Variants in KCNN2 observed in about 807,000 individuals in gnomAD.
KCNN2 encodes the protein small conductance calcium-activated potassium channel protein 2.
A neutral mutation model predicts 55.5 loss-of-function variants in KCNN2; 24 were observed. The observed-to-expected ratio is 0.43, with a 90% CI of 0.31 to 0.61. The LOEUF is 0.61. Ranked by LOEUF, KCNN2 falls within the 20% of genes least tolerant of loss-of-function variation. The probability of loss-of-function intolerance (pLI) is 0.08; values close to 1 mark genes in which losing one functional copy is unlikely to be tolerated. For synonymous variants in KCNN2, 431 were observed against 336.1 expected (o/e 1.28, Z -3.09); for missense variants, 754 against 853.6 (o/e 0.88, Z 1.45).
At position 114,086,915 on chromosome 5, in the gene KCNN2, C is replaced by T. The variant is rs117447670; in HGVS notation, c.-271+30415C>T. 2.6e-3 allele frequency among the ~76,000 whole-genome samples: 395 copies of T among 152,228 alleles called. 13 individuals carry two copies. The East Asian group carries it at 0.059, about 23-fold the overall frequency. ...TTCCCACAAACAGTGTATAAGTGTT[C>T]CCTTTTCTGTGCAGCCTCACCAGTA... On this transcript the variant is annotated intron_variant, in intron 1 of 10. Transcript: ENST00000512097.
At chr5:114,477,134 A>C (rs892114841) in intron 5 of KCNN2, among the ~76,000 whole-genome samples, 1 of 107,384 alleles carries the variant, frequency 9.3e-6, no homozygotes, top group Non-Finnish European at 2.3e-5. Context: ...TCCCTGAAAC[A>C]TTATCTAGAA....
upstream of KCNN2, among the ~76,000 whole-genome samples, chr5:114,359,058 T>C (rs956653828): frequency 1.3e-5 from 2 of 152,230 alleles, no homozygotes; most frequent in African/African-American, 4.8e-5. Context: ...AATATACAGA[T>C]ATTTATTAGC....
chr5:114,372,934 A>G (rs1170881981), intron 2 of KCNN2, among the ~76,000 whole-genome samples: 1 of 152,166 alleles, frequency 6.6e-6, no homozygotes, highest in Non-Finnish European at 1.5e-5. Flanking sequence ...AACATTTTTT[A>G]TAACAAATAC....
chr5:114,069,808 C>G (rs541005116), intron 1 of KCNN2, among the ~76,000 whole-genome samples: 1 of 152,276 alleles, frequency 6.6e-6, no homozygotes, highest in African/African-American at 2.4e-5. Context: ...ACTGTCATCT[C>G]TTCCTTAGTT....
intron 1 of KCNN2, among the ~76,000 whole-genome samples, chr5:114,060,169 G>C (rs971102425): frequency 6.6e-6 from 1 of 152,198 alleles, no homozygotes; most frequent in Non-Finnish European, 1.5e-5. Flanking sequence ...CACTTAGCCT[G>C]CATGTGGGTT....
intron 4 of KCNN2, among the ~76,000 whole-genome samples, chr5:114,465,534 C>T (rs1024231886): frequency 5.3e-5 from 8 of 151,492 alleles, no homozygotes; most frequent in African/African-American, 9.7e-5. Flanking sequence ...ATCTCTTGAA[C>T]GTGGGAGGCG....
At chr5:114,408,747 A>G (rs1300153415) in intron 3 of KCNN2, among the ~76,000 whole-genome samples, 4 of 152,180 alleles carry the variant, frequency 2.6e-5, no homozygotes, top group Non-Finnish European at 4.4e-5. Context: ...GAGAGCCTCA[A>G]AATTGTGTAC....
chr5:114,116,699 G>A (rs916044870), intron 1 of KCNN2, among the ~76,000 whole-genome samples: 1 of 152,056 alleles, frequency 6.6e-6, no homozygotes, highest in African/African-American at 2.4e-5. Flanking sequence ...AAACCTTCAG[G>A]TGTCATTTCC....
chr5:114,354,402 G>A (rs1407228549), intron 2 of KCNN2, among the ~76,000 whole-genome samples: 4 of 152,104 alleles, frequency 2.6e-5, no homozygotes, highest in African/African-American at 7.2e-5. Context: ...TGTTTGGAAA[G>A]TTGGGGCAGA....
chr5:114,453,574 G>T (rs1397312930), intron 3 of KCNN2, among the ~76,000 whole-genome samples: 2 of 152,106 alleles, frequency 1.3e-5, no homozygotes, highest in Admixed American at 1.3e-4. Context: ...CAAAGAAATA[G>T]AAGAACACTA....
At chr5:114,148,241 C>G (rs986342898) in intron 1 of KCNN2, among the ~76,000 whole-genome samples, 2 of 152,050 alleles carry the variant, frequency 1.3e-5, no homozygotes, top group African/African-American at 4.8e-5. Flanking sequence ...TCTTAGGAAT[C>G]GTGGAGGGGG....
intron 1 of KCNN2, among the ~76,000 whole-genome samples, chr5:114,140,027 C>T (rs561652915): frequency 6.6e-6 from 1 of 151,914 alleles, no homozygotes; most frequent in African/African-American, 2.4e-5. Context: ...CTCTTCTCAC[C>T]TACTGTTTTT....
At chr5:114,478,837 C>T (rs997720909) in intron 5 of KCNN2, among the ~76,000 whole-genome samples, 1 of 152,124 alleles carries the variant, frequency 6.6e-6, no homozygotes, top group African/African-American at 2.4e-5. Flanking sequence ...CCTTTCCAGA[C>T]AAGCAAATGC....
At chr5:114,358,046 G>A (rs1294908981), upstream of KCNN2, among the ~76,000 whole-genome samples, 2 of 151,156 alleles carry the variant, frequency 1.3e-5, no homozygotes, top group African/African-American at 4.9e-5. Flanking sequence ...TTCTCTGATG[G>A]CCAGTGATGA....
intron 1 of KCNN2, among the ~76,000 whole-genome samples, chr5:114,160,449 G>C (rs1260016558): frequency 6.6e-6 from 1 of 152,172 alleles, no homozygotes. Flanking sequence ...TGGAATAGGT[G>C]TGGTCTGGTG....
intron 2 of KCNN2, among the ~76,000 whole-genome samples, chr5:114,242,652 CAAG>C (rs1754668532): frequency 1.3e-5 from 2 of 152,090 alleles, no homozygotes; most frequent in South Asian, 2.1e-4. Context: ...TTAGAAAGAG[CAAG>C]AAGGACAGAA....
intron 3 of KCNN2, among the ~76,000 whole-genome samples, chr5:114,422,753 C>T (rs1343741987): frequency 1.3e-5 from 2 of 152,142 alleles, no homozygotes; most frequent in Non-Finnish European, 2.9e-5. Flanking sequence ...CAGCTGTGGG[C>T]TGTTTTTTTT....
intron 2 of KCNN2, among the ~76,000 whole-genome samples, chr5:114,266,294 A>G (rs1026222994): frequency 7.2e-5 from 11 of 152,144 alleles, no homozygotes; most frequent in Non-Finnish European, 8.8e-5. Flanking sequence ...TGGACAGGGA[A>G]GCCACAAGTG....
upstream of KCNN2, among the ~76,000 whole-genome samples, chr5:114,358,647 C>A (rs1441705581): frequency 2.3e-5 from 3 of 128,396 alleles, no homozygotes; most frequent in Non-Finnish European, 3.5e-5. Flanking sequence ...CCTTGATCTG[C>A]GTCTTTTTTT....
Sources: allele counts gnomAD v4.1 joint callset (sites outside exome capture counted in the v4.1 genomes callset), GRCh38; gene constraint gnomAD v4.1.1; transcripts MANE v1.5; gene names NCBI Gene and HGNC (gene_info 2026-07-23, HGNC 2026-07-21).